The following PCDHGA5 variants were observed in gnomAD, a reference collection of about 807,000 sequenced individuals.
PCDHGA5 encodes protocadherin gamma-A5.
PCDHGA5 carries 36 observed loss-of-function variants against 56.7 expected under a neutral mutation model. The ratio of observed to expected loss-of-function variants is 0.64; its 90% confidence interval spans 0.49 to 0.84. The LOEUF is 0.84. Among genes scored for constraint, PCDHGA5 ranks in the 40% least tolerant of loss-of-function variants. The probability of loss-of-function intolerance (pLI) is 0.00; values close to 1 mark genes in which losing one functional copy is unlikely to be tolerated. For missense variants in PCDHGA5, 1,305 were observed against 1,201.5 expected (o/e 1.09, Z -1.27); for synonymous variants, 563 against 520.2 (o/e 1.08, Z -1.12).
At chr5:141,389,988 C>G in intron 1 of PCDHGA5, 1 of 1,614,036 alleles carries the variant, frequency 6.2e-7, no homozygotes, top group South Asian at 1.1e-5. Context: ...AGTGCTCTTC[C>G]TCGTGGCCAT....
intron 1 of PCDHGA5, chr5:141,383,656 G>C: frequency 1.2e-6 from 2 of 1,614,008 alleles, no homozygotes; most frequent in South Asian, 1.1e-5. Flanking sequence ...AACTGTCCCC[G>C]AGAATGTGCC....
At chr5:141,409,294 G>T (rs1438036410) in intron 1 of PCDHGA5, 11 of 1,613,826 alleles carry the variant, frequency 6.8e-6, no homozygotes, top group South Asian at 1.1e-5. Flanking sequence ...CTCCAGGAAT[G>T]GTTGTTGCCC....
intron 1 of PCDHGA5, chr5:141,417,728 T>A: frequency 7.3e-7 from 1 of 1,373,610 alleles, no homozygotes; most frequent in Non-Finnish European, 9.6e-7. Flanking sequence ...GCGCAGACCT[T>A]GCCCAGCACA....
chr5:141,433,076 C>T, intron 1 of PCDHGA5: 1 of 1,614,188 alleles, frequency 6.2e-7, no homozygotes, highest in Non-Finnish European at 8.5e-7. Context: ...CTTCCCCCAG[C>T]CCAACTATGC....
intron 1 of PCDHGA5, among the ~76,000 whole-genome samples, chr5:141,481,913 CAAAAAAAAA>C (rs34114744): frequency 1.1e-5 from 1 of 90,852 alleles, no homozygotes; most frequent in Non-Finnish European, 2.2e-5. Flanking sequence ...AACTCCATCT[CAAAAAAAAA>C]AAAAAAAAAA....
At chr5:141,407,873 A>C (rs561323423) in intron 1 of PCDHGA5, 1 of 354,804 alleles carries the variant, frequency 2.8e-6, no homozygotes, top group African/African-American at 2.1e-5. Flanking sequence ...CGAAGAATAT[A>C]TACATTTCGG....
intron 1 of PCDHGA5, among the ~76,000 whole-genome samples, chr5:141,456,907 G>A (rs1430292511): frequency 6.6e-6 from 1 of 152,108 alleles, no homozygotes; most frequent in Non-Finnish European, 1.5e-5. Flanking sequence ...AGGTTGCAGT[G>A]AGCCGAGATC....
chr5:141,366,890 T>G, intron 1 of PCDHGA5, 139 bp downstream of exon 1: 1 of 1,249,604 alleles, frequency 8.0e-7, no homozygotes, highest in Non-Finnish European at 1.1e-6. Flanking sequence ...TTTTTTTATA[T>G]AATTCATGCT....
chr5:141,477,642 A>G lies in PCDHGA5; in HGVS notation c.2422-17165A>G, dbSNP rs767152121. On this transcript the variant is annotated intron_variant, in intron 1 of 3. Transcript: ENST00000518069. The surrounding 1 kb of genome is among the most constrained non-coding windows in gnomAD (Gnocchi z 4.9). ...GCTGAAACCGGGCTAGTGGGTCGCT[A>G]TTTCACAATAAATCGTGACAATGGC... 9 of 1,614,136 alleles carry G rather than the reference A, an allele frequency of 5.6e-6. No individual in the cohort carries two copies. Among genetic ancestry groups the G allele is most frequent in the Non-Finnish European group, 7.6e-6 (9 of 1,180,022 alleles).
At chr5:141,387,568 T>G in intron 1 of PCDHGA5, 1 of 447,496 alleles carries the variant, frequency 2.2e-6, no homozygotes, top group Admixed American at 3.9e-5. Context: ...CACACAATTA[T>G]AATTATTGCA....
chr5:141,432,665 G>A lies in PCDHGA5; in HGVS notation c.2422-62142G>A. 1 of 1,613,896 alleles carries A rather than the reference G, an allele frequency of 6.2e-7. No individual in the cohort carries two copies. Among genetic ancestry groups the A allele is most frequent in the Non-Finnish European group, 8.5e-7 (1 of 1,179,956 alleles). On this transcript the variant is annotated intron_variant, in intron 1 of 3. Coordinates refer to ENST00000518069, the MANE Select transcript of PCDHGA5 (RefSeq NM_018918.3). The surrounding 1 kb of genome is among the most constrained non-coding windows in gnomAD (Gnocchi z 6.0). ...CACGGCGCGAGCCCTGCTGGACAGA[G>A]ACGCGCTCAAGCAGAGCCTCGTAGT... is the stretch of plus-strand genomic sequence containing the variant.
rs368850413 is a variant in PCDHGA5, at chr5:141,400,711, C to T, written c.2421+33960C>T. 8.7e-6 allele frequency: 6 copies of T among 691,160 alleles called. No individual in the cohort carries two copies. The African/African-American group carries it at 9.0e-5, about 10-fold the overall frequency. The allele number at this position is 691,160 out of a possible 1,614,324, so 42.8% of individuals were successfully genotyped here. On this transcript the variant is annotated intron_variant, in intron 1 of 3. Coordinates refer to ENST00000518069, the MANE Select transcript of PCDHGA5 (RefSeq NM_018918.3). Reference sequence around the variant, plus strand: ...TTTTATGTCGCATAAAAGAAGTAGCCTTATAGATTTACAAAGTAGTGAGAG... The same window carrying T: ...TTTTATGTCGCATAAAAGAAGTAGCTTTATAGATTTACAAAGTAGTGAGAG...
intron 1 of PCDHGA5, chr5:141,419,310 A>G: frequency 6.2e-7 from 1 of 1,613,948 alleles, no homozygotes; most frequent in Non-Finnish European, 8.5e-7. Flanking sequence ...TTCGGGCTCA[A>G]CGGCCGTGTC....
intron 1 of PCDHGA5, among the ~76,000 whole-genome samples, chr5:141,461,376 T>C (rs2099014225): frequency 6.6e-6 from 1 of 152,184 alleles, no homozygotes; most frequent in South Asian, 2.1e-4. Context: ...AATTTGCATT[T>C]TCCTGATGAT....
At chr5:141,481,606 C>T (rs2099540144) in intron 1 of PCDHGA5, among the ~76,000 whole-genome samples, 1 of 152,000 alleles carries the variant, frequency 6.6e-6, no homozygotes, top group South Asian at 2.1e-4. Context: ...TCACCTGAGG[C>T]CAGGAGTTCA....
chr5:141,389,211 G>T (rs2091646577), intron 1 of PCDHGA5: 1 of 1,613,940 alleles, frequency 6.2e-7, no homozygotes, highest in Admixed American at 1.7e-5. Context: ...CATTGGTGAT[G>T]TAAATGACAA....
chr5:141,418,751 A>G (rs2096284782), intron 1 of PCDHGA5: 2 of 1,613,840 alleles, frequency 1.2e-6, no homozygotes, highest in African/African-American at 2.7e-5. Context: ...GGATTACACT[A>G]CAGGAAACAT....
At chr5:141,430,595 G>C (rs549786394) in intron 1 of PCDHGA5, 1 of 567,016 alleles carries the variant, frequency 1.8e-6, no homozygotes. Flanking sequence ...CCTTGCACGC[G>C]CCTGAAGCAC....
intron 1 of PCDHGA5, among the ~76,000 whole-genome samples, chr5:141,454,836 C>T (rs1201514890): frequency 1.3e-4 from 11 of 85,100 alleles, no homozygotes; most frequent in African/African-American, 2.1e-4. Context: ...GAGACAGAGT[C>T]GCGCTCTGTC....
Sources: allele counts gnomAD v4.1 joint callset (sites outside exome capture counted in the v4.1 genomes callset), GRCh38; gene constraint gnomAD v4.1.1; non-coding constraint Gnocchi (gnomAD v3.1); transcripts MANE v1.5; gene names NCBI Gene and HGNC (gene_info 2026-07-23, HGNC 2026-07-21).